Variants in CCDC88C observed in about 807,000 individuals in gnomAD.
CCDC88C encodes protein Daple.
CCDC88C carries 131 observed loss-of-function variants against 198.8 expected under a neutral mutation model. The ratio of observed to expected loss-of-function variants is 0.66; its 90% CI spans 0.57 to 0.76. The LOEUF (loss-of-function observed/expected upper bound fraction) is 0.76. Among genes scored for constraint, CCDC88C ranks in the 30% least tolerant of loss-of-function variants. The pLI, the probability that CCDC88C is intolerant of heterozygous loss-of-function variation, is 0.00. For synonymous variants in CCDC88C, 1,166 were observed against 1,114.7 expected, an observed-to-expected ratio of 1.05 and a Z score of -0.92; for missense variants, 2,553 against 2,631.6, an observed-to-expected ratio of 0.97 and a Z score of 0.65.
intron 13 of CCDC88C, among the ~76,000 whole-genome samples, chr14:91,320,103 C>G (rs905834568): frequency 3.3e-5 from 5 of 151,402 alleles, no homozygotes; most frequent in African/African-American, 1.2e-4. Context: ...TTTCGAAAAC[C>G]CTTGGAATCT....
intron 15 of CCDC88C, among the ~76,000 whole-genome samples, chr14:91,310,537 A>C (rs1596055818): frequency 1.3e-5 from 2 of 152,048 alleles, no homozygotes; most frequent in African/African-American, 2.4e-5. Flanking sequence ...CAGCCTCCTC[A>C]GTAGCTGGAA....
chr14:91,316,719 G>A (rs1472030841), intron 13 of CCDC88C, among the ~76,000 whole-genome samples: 1 of 152,158 alleles, frequency 6.6e-6, no homozygotes, highest in Non-Finnish European at 1.5e-5. Context: ...GCCAACCCTT[G>A]CATTTCTGAT....
rs146823971 is a variant in CCDC88C at position 91,371,093 on chromosome 14, C to G, written c.271-11382G>C. 4.8e-3 allele frequency among the ~76,000 whole-genome samples: 731 copies of G among 152,290 alleles called. 7 individuals carry two copies. Among genetic ancestry groups the G allele is most frequent in the African/African-American group, 0.016 (682 of 41,532 alleles). On this transcript the variant is annotated intron_variant, in intron 3 of 29. Transcript: ENST00000389857. This position sits in a 1 kb window ranked among gnomAD's most constrained non-coding sequence, Gnocchi z 4.2. ...TTTCCCCACAGGACAGCACCTGCAG[C>G]AGTTCTGGGCTGCCCTTTCCTCTGT... is the stretch of plus-strand genomic sequence containing the variant.
intron 3 of CCDC88C, among the ~76,000 whole-genome samples, chr14:91,391,838 T>C (rs1885524297): frequency 6.6e-6 from 1 of 151,942 alleles, no homozygotes; most frequent in South Asian, 2.1e-4. Context: ...TGTTCCTGAG[T>C]GTACTATATT....
At chr14:91,314,770 C>T (rs1344564672) in intron 14 of CCDC88C, among the ~76,000 whole-genome samples, 4 of 152,326 alleles carry the variant, frequency 2.6e-5, no homozygotes, top group Middle Eastern at 3.4e-3. Context: ...GGGCCCTGTC[C>T]GTCTGTTTAC....
rs572941142 is a variant in CCDC88C at position 91,320,640 on chromosome 14, C to G, written c.1527+480G>C. On this transcript the variant is annotated intron_variant, in intron 13 of 29. Transcript: ENST00000389857. The stretch of plus-strand genomic sequence containing the variant: ...TGGGAGGCAGTCTGGTGGGACTGAG[C>G]CCTTAGGCTGCAGGGTCTGTAGTGT... Among the ~76,000 whole-genome samples, 8 of 152,292 alleles carry G rather than the reference C, an allele frequency of 5.3e-5. No individual in the cohort carries two copies. The South Asian group carries it at 1.7e-3, about 32-fold the overall frequency.
At position 91,338,892 on chromosome 14, in the gene CCDC88C, A is replaced by G; in HGVS notation, c.810-322T>C. ...TCCACAGGTGACATCCATCAGCTGCAGGAAACCTGGGAGAACAGGCTCACC... is the reference window on the plus strand; with the variant it reads ...TCCACAGGTGACATCCATCAGCTGCGGGAAACCTGGGAGAACAGGCTCACC... On this transcript the variant is annotated intron_variant, in intron 8 of 29. Transcript: ENST00000389857. This position sits in a 1 kb window ranked among gnomAD's most constrained non-coding sequence, Gnocchi z 4.8. 1 of 478,026 alleles carries G rather than the reference A, an allele frequency of 2.1e-6. No homozygotes were observed. The allele number at this position is 478,026 out of a possible 1,614,324, so 29.6% of individuals were successfully genotyped here.
intron 10 of CCDC88C, among the ~76,000 whole-genome samples, chr14:91,326,427 G>A (rs1356186236): frequency 6.6e-6 from 1 of 152,096 alleles, no homozygotes; most frequent in Non-Finnish European, 1.5e-5. Flanking sequence ...TATCCAGGCT[G>A]GTCTCGAATT....
chr14:91,289,288 C>G lies in CCDC88C; in HGVS notation c.4258G>C (p.Glu1420Gln). ...ALVKLIKPKK[E>Q]GSRERLKSTV... ...GATTTTAAGCGTTCCCTCGAACCCT[C>G]TTTCTTTGGTTTGATGAGTTTGACT... is the stretch of plus-strand genomic sequence containing the variant. The change falls in exon 25 of 30, where the codon GAG (glutamate) becomes CAG (glutamine). Residue 1420 changes from glutamate to glutamine, a missense_variant. Coordinates refer to ENST00000389857, the MANE Select transcript of CCDC88C (RefSeq NM_001080414.4). 1 of 1,614,054 alleles carries G rather than the reference C, an allele frequency of 6.2e-7. No individual in the cohort carries two copies. Among genetic ancestry groups the G allele is most frequent in the South Asian group, 1.1e-5 (1 of 91,086 alleles).
In CCDC88C at chr14:91,339,867, C is replaced by A. The variant is rs779622363; in HGVS notation, c.624+17G>T. On this transcript the variant is annotated intron_variant, in intron 7 of 29. Transcript: ENST00000389857. The surrounding 1 kb of genome is among the most constrained non-coding windows in gnomAD (Gnocchi z 5.8). The stretch of plus-strand genomic sequence containing the variant: ...GCCCCTTCCCAGGCTGACCGGGCCA[C>A]CGACCCGCGGACGCACCTCGGTGCA... The A allele has an allele frequency of 1.9e-6, 3 of 1,570,370 alleles. No individual in the cohort carries two copies. The highest frequency in any genetic ancestry group is 2.6e-6 in the Non-Finnish European group (3 of 1,157,544).
chr14:91,389,869 G>A (rs1885386315), intron 3 of CCDC88C, among the ~76,000 whole-genome samples: 1 of 151,958 alleles, frequency 6.6e-6, no homozygotes. Flanking sequence ...TCAGGAGATG[G>A]AGACCATCCT....
Position 91,288,545 on chromosome 14 carries a change from G to T in CCDC88C, c.4441+560C>A, listed in dbSNP as rs1349509711. Among the ~76,000 whole-genome samples, 1 of 152,214 alleles carries T rather than the reference G, an allele frequency of 6.6e-6. No homozygotes were observed. Among genetic ancestry groups the T allele is most frequent in the Non-Finnish European group, 1.5e-5 (1 of 68,042 alleles). On this transcript the variant is annotated intron_variant, in intron 25 of 29. Coordinates refer to ENST00000389857, the MANE Select transcript of CCDC88C (RefSeq NM_001080414.4). The surrounding 1 kb of genome is among the most constrained non-coding windows in gnomAD (Gnocchi z 4.2). ...TCGCTTGTCTCTATGGTACCTGCAC[G>T]AATGTCAGCTTTGGATATTGAGATA... is the stretch of plus-strand genomic sequence containing the variant.
At chr14:91,293,151 C>CGTGCCACAG (rs1890749776) in intron 23 of CCDC88C, among the ~76,000 whole-genome samples, 1 of 150,324 alleles carries the variant, frequency 6.7e-6, no homozygotes, top group African/African-American at 2.4e-5. Flanking sequence ...CCCATCCTCA[C>CGTGCCACAG]CTGCCATAGC....
rs758550453 is a variant in CCDC88C at position 91,313,964 on chromosome 14, T to A, written c.1852A>T (p.Arg618Trp). The change falls in exon 15 of 30, where the codon AGG becomes TGG. Residue 618 changes from arginine to tryptophan, a missense_variant. Around this residue, in one of 2 missense-constraint regions of CCDC88C, gnomAD observed 1,260 missense variants for 1,412.0 expected, o/e 0.89. Coordinates refer to ENST00000389857, the MANE Select transcript of CCDC88C (RefSeq NM_001080414.4). This position sits in a 1 kb window ranked among gnomAD's most constrained non-coding sequence, Gnocchi z 5.2. ...TTCTCCTTGGCCTGCTCCAAGTCCC[T>A]GTGCAGCTGCCGCTTCTCAAACTCC... Reference protein sequence around the residue: ...QLEFEKRQLHRDLEQAKEKGE... With the variant: ...QLEFEKRQLHWDLEQAKEKGE... 6 of 1,613,734 alleles carry A rather than the reference T, an allele frequency of 3.7e-6. No individual in the cohort carries two copies. Among genetic ancestry groups the A allele is most frequent in the Non-Finnish European group, 5.1e-6 (6 of 1,179,860 alleles).
rs186117392 is a variant in CCDC88C at position 91,346,160 on chromosome 14, C to A, written c.341-2503G>T. 1.8e-3 allele frequency among the ~76,000 whole-genome samples: 270 copies of A among 152,298 alleles called. 1 individual carries two copies. Among genetic ancestry groups the A allele is most frequent in the African/African-American group, 6.0e-3 (250 of 41,554 alleles). On this transcript the variant is annotated intron_variant, in intron 4 of 29. Transcript: ENST00000389857. ...TGGGTATAAGTAGTGAATGAATATG[C>A]GACCTCCTCCTAAGACCCCTCAACT...
At chr14:91,315,590 C>A (rs1303316934) in intron 14 of CCDC88C, 60 bp downstream of exon 14, 3 of 1,594,608 alleles carry the variant, frequency 1.9e-6, no homozygotes, top group African/African-American at 1.3e-5. Flanking sequence ...GGCTGTAATC[C>A]CGGCTCTCCG....
At position 91,288,563 on chromosome 14, in the gene CCDC88C, T is replaced by C. The variant is rs1438506701; in HGVS notation, c.4441+542A>G. Among the ~76,000 whole-genome samples the C allele has an allele frequency of 6.6e-6, 1 of 152,222 alleles. No individual in the cohort carries two copies. Among genetic ancestry groups the C allele is most frequent in the Non-Finnish European group, 1.5e-5 (1 of 68,032 alleles). On this transcript the variant is annotated intron_variant, in intron 25 of 29. Coordinates refer to ENST00000389857, the MANE Select transcript of CCDC88C (RefSeq NM_001080414.4). This position sits in a 1 kb window ranked among gnomAD's most constrained non-coding sequence, Gnocchi z 4.2. ...CCTGCACGAATGTCAGCTTTGGATA[T>C]TGAGATATCTGCCCGGCTACATGAT...
chr14:91,282,391 C>G (rs1462498725), intron 26 of CCDC88C, among the ~76,000 whole-genome samples: 6 of 152,192 alleles, frequency 3.9e-5, no homozygotes, highest in Non-Finnish European at 8.8e-5. Context: ...GGATATTTTC[C>G]TATCTCTTAA....
Position 91,272,484 on chromosome 14 carries a change from G to T in CCDC88C, c.*141C>A. On this transcript the variant is annotated 3_prime_UTR_variant, in exon 30 of 30. Transcript: ENST00000389857. Reference sequence around the variant, plus strand: ...GCTTGGCACAGTGTTTCCATTCACAGAACAAACAGCAGAAATGCGTGGGAA... The same window carrying T: ...GCTTGGCACAGTGTTTCCATTCACATAACAAACAGCAGAAATGCGTGGGAA... The T allele has an allele frequency of 1.2e-6, 1 of 855,584 alleles. No homozygotes were observed. 53.0% of individuals were successfully genotyped at this position (855,584 alleles called of 1,614,324 possible). A position where few individuals can be genotyped will look rare whatever the true frequency, so the allele number is the denominator to read the frequency against.
Sources: allele counts gnomAD v4.1 joint callset (sites outside exome capture counted in the v4.1 genomes callset), GRCh38; gene constraint gnomAD v4.1.1; regional missense constraint gnomAD v4.1.1; non-coding constraint Gnocchi (gnomAD v3.1); transcripts MANE v1.5; gene names NCBI Gene and HGNC (gene_info 2026-07-23, HGNC 2026-07-21).